Variants in PCSK5 observed in about 807,000 individuals in gnomAD.
PCSK5 encodes proprotein convertase subtilisin/kexin type 5, also known as prohormone convertase 5.
Under a neutral mutation model 233.2 loss-of-function variants are expected in PCSK5, and 129 were observed. That is an observed-to-expected ratio of 0.55 (90% CI 0.48 to 0.64). The LOEUF (loss-of-function observed/expected upper bound fraction) is 0.64, where lower values mean the gene tolerates loss of function less well. PCSK5 is among the 30% of genes least tolerant of loss of function. The pLI is 0.00. For missense variants in PCSK5, 2,076 were observed against 2,430.1 expected (o/e 0.85, Z 3.06); for synonymous variants, 825 against 879.2 (o/e 0.94, Z 1.09).
intron 33 of PCSK5, among the ~76,000 whole-genome samples, chr9:76,328,975 A>ATTTTTTTTTTTTTTTTTT (rs59466685): frequency 0.012 from 1,441 of 122,958 alleles, no homozygotes; most frequent in Non-Finnish European, 0.014. Context: ...CTCCCGGCTA[A>ATTTTTTTTTTTTTTTTTT]TTTTTTTTTT....
chr9:76,329,694 G>C (rs1294785025), intron 33 of PCSK5, among the ~76,000 whole-genome samples: 1 of 151,900 alleles, frequency 6.6e-6, no homozygotes, highest in African/African-American at 2.4e-5. Context: ...TTAGCCAGGT[G>C]TGGTGGTGGG....
At chr9:75,903,765 T>C (rs866966090) in intron 1 of PCSK5, among the ~76,000 whole-genome samples, 4 of 151,858 alleles carry the variant, frequency 2.6e-5, no homozygotes, top group Middle Eastern at 3.4e-3. Context: ...TTGTTTTCTC[T>C]GGTGGGAGAT....
At chr9:76,273,911 G>T (rs1368561529) in intron 24 of PCSK5, among the ~76,000 whole-genome samples, 1 of 150,276 alleles carries the variant, frequency 6.7e-6, no homozygotes, top group Non-Finnish European at 1.5e-5. Flanking sequence ...GACTCGCAAA[G>T]TGCTGTGATT....
chr9:76,252,315 C>A (rs1354115920), intron 24 of PCSK5, among the ~76,000 whole-genome samples: 1 of 152,118 alleles, frequency 6.6e-6, no homozygotes, highest in Non-Finnish European at 1.5e-5. Context: ...TAAAGAAAGG[C>A]TTCTTTTCTG....
chr9:76,073,100 A>G (rs1415260202), intron 7 of PCSK5, among the ~76,000 whole-genome samples: 4 of 152,242 alleles, frequency 2.6e-5, no homozygotes, highest in African/African-American at 9.6e-5. Context: ...TATTGAATCA[A>G]ATTTAATTAA....
chr9:76,174,425 G>GC (rs1318640235), intron 13 of PCSK5, among the ~76,000 whole-genome samples: 1 of 151,642 alleles, frequency 6.6e-6, no homozygotes, highest in African/African-American at 2.4e-5. Context: ...TTCTGCCTCA[G>GC]CCCCCCAAGT....
intron 37 of PCSK5, among the ~76,000 whole-genome samples, chr9:76,357,444 G>T (rs779024278): frequency 8.6e-5 from 13 of 152,014 alleles, no homozygotes; most frequent in Non-Finnish European, 1.8e-4. Flanking sequence ...TTGAGCTTGG[G>T]AGACAGAGGC....
At chr9:76,203,916 T>C (rs1825011260) in intron 20 of PCSK5, among the ~76,000 whole-genome samples, 1 of 152,160 alleles carries the variant, frequency 6.6e-6, no homozygotes, top group Non-Finnish European at 1.5e-5. Flanking sequence ...ACTAGCTGTG[T>C]GATCTTAGGG....
chr9:76,228,430 G>A (rs1825967598), intron 21 of PCSK5, among the ~76,000 whole-genome samples: 1 of 152,116 alleles, frequency 6.6e-6, no homozygotes, highest in Non-Finnish European at 1.5e-5. Context: ...CATTTACAAA[G>A]CTATCTCTTC....
intron 24 of PCSK5, among the ~76,000 whole-genome samples, chr9:76,251,576 A>C (rs548493146): frequency 6.6e-6 from 1 of 151,518 alleles, no homozygotes. Context: ...AAAAAAAAAA[A>C]AAAAGACAGA....
rs1433382297 is a variant in PCSK5 at position 76,278,613 on chromosome 9, T to C, written c.3143-13620T>C. Among the ~76,000 whole-genome samples the C allele has an allele frequency of 2.6e-5, 4 of 152,184 alleles. No homozygotes were observed. The East Asian group carries it at 5.8e-4, about 22-fold the overall frequency. ...AAGCATAGAAACATATATATGTATA[T>C]GTAAAGCAAAAATTAATATTAATAT... On this transcript the variant is annotated intron_variant, in intron 24 of 37. Transcript: ENST00000674117.
At chr9:75,929,053 A>G (rs113462765) in intron 1 of PCSK5, among the ~76,000 whole-genome samples, 16,325 of 152,038 alleles carry the variant, frequency 0.11, 1,338 homozygotes, top group African/African-American at 0.23. Context: ...CTCCTACCTC[A>G]GCCTCCCGAG....
chr9:76,332,579 G>A lies in PCSK5; in HGVS notation c.4717G>A (p.Gly1573Arg), dbSNP rs1276000901. The A allele has an allele frequency of 3.1e-6, 5 of 1,603,936 alleles. No individual in the cohort carries two copies. In the African/African-American group the frequency reaches 5.3e-5, roughly 17 times the overall value. Reference sequence around the variant, plus strand: ...CTGCCGACCGGGCTGGTTCCAGCTAGGAAAAGAGTGCCTGCTCCAGTGCAG... The same window carrying A: ...CTGCCGACCGGGCTGGTTCCAGCTAAGAAAAGAGTGCCTGCTCCAGTGCAG... ...HSCRPGWFQL[G>R]KECLLQCREG... Residue 1573 changes from glycine to arginine, a missense_variant, in exon 34 of 38, where the codon GGA becomes AGA. Gly to Arg is a moderately radical substitution (Grantham distance 125). This residue lies in a region of PCSK5 where 1,510 missense variants were observed against 1,538.1 expected (regional missense o/e 0.98). Transcript: ENST00000674117.
intron 3 of PCSK5, among the ~76,000 whole-genome samples, chr9:76,021,836 A>G (rs765299847): frequency 2.0e-5 from 3 of 152,202 alleles, no homozygotes; most frequent in Non-Finnish European, 4.4e-5. Flanking sequence ...GTTGTGGCCT[A>G]CAACACCCTG....
At chr9:76,056,260 C>T (rs1441473935) in intron 5 of PCSK5, among the ~76,000 whole-genome samples, 1 of 152,072 alleles carries the variant, frequency 6.6e-6, no homozygotes, top group African/African-American at 2.4e-5. Context: ...AAGGGTGACC[C>T]CCTTTGTGTG....
intron 1 of PCSK5, among the ~76,000 whole-genome samples, chr9:75,894,504 G>C (rs1392167468): frequency 6.6e-6 from 1 of 152,196 alleles, no homozygotes; most frequent in Non-Finnish European, 1.5e-5. Context: ...TGTTCATAGA[G>C]CTAGCATATG....
intron 24 of PCSK5, among the ~76,000 whole-genome samples, chr9:76,245,561 A>G (rs1294494014): frequency 6.6e-6 from 1 of 152,152 alleles, no homozygotes; most frequent in Non-Finnish European, 1.5e-5. Flanking sequence ...TTATATTTGG[A>G]CAATAGCAGG....
At chr9:75,945,044 G>A (rs1221358640) in intron 2 of PCSK5, among the ~76,000 whole-genome samples, 1 of 151,258 alleles carries the variant, frequency 6.6e-6, no homozygotes, top group Non-Finnish European at 1.5e-5. Context: ...GGGAGGTGGA[G>A]GTTGTGGTGA....
chr9:76,332,034 A>C (rs1428345974), intron 33 of PCSK5, among the ~76,000 whole-genome samples: 2 of 152,166 alleles, frequency 1.3e-5, no homozygotes, highest in Non-Finnish European at 2.9e-5. Context: ...AGTTAACCAG[A>C]TACATGAGCT....
Sources: gnomAD v4.1 joint callset for allele counts (sites outside exome capture counted in the v4.1 genomes callset) on GRCh38, gnomAD v4.1.1 for gene constraint, gnomAD v4.1.1 regional missense constraint, MANE v1.5 for transcripts, NCBI Gene and HGNC (gene_info 2026-07-23, HGNC 2026-07-21) for gene names.